Variants in AXDND1 observed in about 807,000 individuals in gnomAD.
AXDND1 encodes the protein axonemal dynein light chain domain-containing protein 1.
Under a neutral mutation model 137.5 loss-of-function variants are expected in AXDND1, and 110 were observed. The observed-to-expected ratio is 0.80, with a 90% CI of 0.69 to 0.94. The LOEUF is 0.94. Among genes scored for constraint, AXDND1 ranks in the 40% least tolerant of loss-of-function variants. The pLI is 0.00. For synonymous variants in AXDND1, 414 were observed against 399.7 expected (o/e 1.04, Z -0.43); for missense variants, 1,191 against 1,169.8 (o/e 1.02, Z -0.26).
chr1:179,486,119 C>CAAAAAAAAAAAAAAAAAAAAA (rs1173009992), intron 18 of AXDND1, among the ~76,000 whole-genome samples: 1 of 22,660 alleles, frequency 4.4e-5, no homozygotes, highest in Admixed American at 6.0e-4. Flanking sequence ...AACTCTGTCT[C>CAAAAAAAAAAAAAAAAAAAAA]AAAAAAAAAA....
At chr1:179,443,290 ATTATC>A (rs1659274120) in intron 15 of AXDND1, among the ~76,000 whole-genome samples, 3 of 152,200 alleles carry the variant, frequency 2.0e-5, no homozygotes, top group African/African-American at 7.2e-5. Flanking sequence ...GTTCAATGCT[ATTATC>A]TAATTGTCAG....
chr1:179,541,876 A>G (rs1672201351), intron 25 of AXDND1, among the ~76,000 whole-genome samples: 1 of 152,230 alleles, frequency 6.6e-6, no homozygotes, highest in Admixed American at 6.5e-5. Flanking sequence ...CTGTATTAAT[A>G]TACATAAATA....
rs1160025911 is a variant in AXDND1, at chr1:179,397,413, A to C, written c.1109+2211A>C. The stretch of plus-strand genomic sequence containing the variant: ...CTGACTTTTCTTTCTAGATGCCTTT[A>C]ACCTTTTTTCTTTTATTTTGACTTT... On this transcript the variant is annotated intron_variant, in intron 11 of 25. Transcript: ENST00000367618. 2.6e-5 allele frequency among the ~76,000 whole-genome samples: 4 copies of C among 151,928 alleles called. No homozygotes were observed. In the East Asian group the frequency reaches 7.7e-4, roughly 29 times the overall value.
chr1:179,549,638 CCTT>C (rs1673007374), intron 25 of AXDND1, among the ~76,000 whole-genome samples: 1 of 152,076 alleles, frequency 6.6e-6, no homozygotes, highest in Non-Finnish European at 1.5e-5. Flanking sequence ...CATGACTCTA[CCTT>C]CTTCTTCATT....
chr1:179,490,541 C>T (rs6674274), intron 18 of AXDND1, among the ~76,000 whole-genome samples: 69,541 of 152,044 alleles, frequency 0.46, 16,761 homozygotes, highest in East Asian at 0.76. Flanking sequence ...AGGTTCAAAC[C>T]GCTTACTAAA....
chr1:179,398,353 C>A (rs1651390035), intron 11 of AXDND1, among the ~76,000 whole-genome samples: 1 of 152,178 alleles, frequency 6.6e-6, no homozygotes, highest in Non-Finnish European at 1.5e-5. Flanking sequence ...GGTTAGGAAT[C>A]CACTGCACTG....
rs141306344 is a variant in AXDND1 at position 179,479,065 on chromosome 1, A to G, written c.1998-4063A>G. On this transcript the variant is annotated intron_variant, in intron 17 of 25. Transcript: ENST00000367618. ...CAGTGAGCCAAGATCAAACCACTGC[A>G]CTGCAGCCTGGGTGAGACAGAGAGA... 2.3e-3 allele frequency among the ~76,000 whole-genome samples: 351 copies of G among 152,274 alleles called. 1 individual carries two copies. Among genetic ancestry groups the G allele is most frequent in the African/African-American group, 8.1e-3 (336 of 41,548 alleles).
chr1:179,444,855 A>C (rs1292573972), intron 15 of AXDND1, 115 bp from the exon 16 acceptor site: 17 of 617,578 alleles, frequency 2.8e-5, no homozygotes, highest in Non-Finnish European at 5.6e-6. Context: ...CATAATAATA[A>C]TAGGATATGC....
At chr1:179,472,204 A>G (rs549043144) in intron 17 of AXDND1, among the ~76,000 whole-genome samples, 2 of 152,102 alleles carry the variant, frequency 1.3e-5, no homozygotes, top group East Asian at 3.9e-4. Context: ...CTATGTCTTC[A>G]TTTTCATTAA....
chr1:179,499,644 A>G (rs1179348899), intron 20 of AXDND1, among the ~76,000 whole-genome samples: 3 of 152,170 alleles, frequency 2.0e-5, no homozygotes, highest in Non-Finnish European at 4.4e-5. Context: ...GTTTTTGAAT[A>G]CCTGACTAAA....
rs1182652148 is a variant in AXDND1, at chr1:179,551,418, C to G, written c.3032-3094C>G. On this transcript the variant is annotated intron_variant, in intron 25 of 25. Transcript: ENST00000367618. ...ATCTCAGCTGCCATCCTCAGGGACT[C>G]AGAAGCAGCCTTTTCCGCTTCTGCA... The G allele has an allele frequency of 6.2e-7, 1 of 1,613,924 alleles. No homozygotes were observed. Among genetic ancestry groups the G allele is most frequent in the Non-Finnish European group, 8.5e-7 (1 of 1,180,024 alleles).
chr1:179,454,921 C>T (rs914567047), intron 16 of AXDND1: 2 of 151,546 alleles, frequency 1.3e-5, no homozygotes, highest in Non-Finnish European at 2.9e-5. Flanking sequence ...TGGTGAAATC[C>T]CATCTCTACC....
chr1:179,366,391 C>A lies in AXDND1; in HGVS notation c.-106-13C>A. 8 of 560,454 alleles carry A rather than the reference C, an allele frequency of 1.4e-5. No homozygotes were observed. The highest frequency in any genetic ancestry group is 2.1e-5 in the Non-Finnish European group (7 of 328,474). 34.7% of individuals were successfully genotyped at this position (560,454 alleles called of 1,614,324 possible). A position where few individuals can be genotyped will look rare whatever the true frequency, so the allele number is the denominator to read the frequency against. On this transcript the variant is annotated splice_polypyrimidine_tract_variant and intron_variant, in intron 1 of 25. Coordinates refer to ENST00000367618, the MANE Select transcript of AXDND1 (RefSeq NM_144696.6). ...TTTTTTTTTTTTTTAAATCTTTTTT[C>A]CTCTGCCTGCAGGACTATGTGGCAG...
chr1:179,501,956 T>C (rs1237951333), intron 20 of AXDND1, among the ~76,000 whole-genome samples: 3 of 152,270 alleles, frequency 2.0e-5, no homozygotes, highest in African/African-American at 7.2e-5. Flanking sequence ...GTTCATAATT[T>C]TGATTACCTT....
chr1:179,455,624 A>G (rs1412735903), intron 16 of AXDND1: 1 of 152,174 alleles, frequency 6.6e-6, no homozygotes, highest in Non-Finnish European at 1.5e-5. Context: ...ATTAAAAAAA[A>G]AATTTTGGAA....
In AXDND1 at chr1:179,422,504, A is replaced by G. The variant is rs865993889; in HGVS notation, c.1231-7014A>G. Among the ~76,000 whole-genome samples the G allele has an allele frequency of 4.6e-4, 70 of 152,268 alleles. 1 individual carries two copies. Among genetic ancestry groups the G allele is most frequent in the Middle Eastern group, 6.8e-3 (2 of 294 alleles). On this transcript the variant is annotated intron_variant, in intron 12 of 25. Transcript: ENST00000367618. ...TCATTGTGGTCAGAAAAAATACTCT[A>G]TATGATTTCTACTTTTTTGAATTTC...
At position 179,492,898 on chromosome 1, in the gene AXDND1, A is replaced by G. The variant is rs1421120738; in HGVS notation, c.2335A>G (p.Thr779Ala). 2.5e-6 allele frequency: 4 copies of G among 1,611,758 alleles called. No individual in the cohort carries two copies. In the Admixed American group the frequency reaches 6.7e-5, roughly 27 times the overall value. ...AACAGCAATGGCTCTGAGTAAATCCACTAACTCACACAAAAATGCTACTGA... is the reference window on the plus strand; with the variant it reads ...AACAGCAATGGCTCTGAGTAAATCCGCTAACTCACACAAAAATGCTACTGA... ...MVTAMALSKSTNSHKNATEDL... is the reference protein window; with the variant it reads ...MVTAMALSKSANSHKNATEDL... Residue 779 changes from threonine to alanine, a missense_variant, in exon 20 of 26, where the codon ACT becomes GCT. By Grantham distance (58) the Thr-to-Ala change is moderately conservative (BLOSUM62 0). Transcript: ENST00000367618.
At chr1:179,395,809 A>G (rs1468598746) in intron 11 of AXDND1, among the ~76,000 whole-genome samples, 2 of 152,186 alleles carry the variant, frequency 1.3e-5, no homozygotes, top group Non-Finnish European at 2.9e-5. Flanking sequence ...TGAATTACCA[A>G]ATGTCAGCCA....
chr1:179,528,032 T>C (rs1670703154), intron 22 of AXDND1, among the ~76,000 whole-genome samples: 1 of 152,228 alleles, frequency 6.6e-6, no homozygotes, highest in South Asian at 2.1e-4. Context: ...AATCATGTTA[T>C]ACCATAATTA....
Sources: allele counts gnomAD v4.1 joint callset (sites outside exome capture counted in the v4.1 genomes callset), GRCh38; gene constraint gnomAD v4.1.1; transcripts MANE v1.5; gene names NCBI Gene and HGNC (gene_info 2026-07-23, HGNC 2026-07-21).